The following RNF220 variants were observed in gnomAD, a reference collection of about 807,000 sequenced individuals.
RNF220 encodes the protein E3 ubiquitin-protein ligase RNF220.
Under a neutral mutation model 67.1 loss-of-function variants are expected in RNF220, and 7 were observed. That is an observed-to-expected ratio of 0.10 (90% CI 0.06 to 0.20). The LOEUF (loss-of-function observed/expected upper bound fraction) is 0.20, where lower values mean the gene tolerates loss of function less well. RNF220 is among the 10% of genes least tolerant of loss of function. The pLI, the probability that RNF220 is intolerant of heterozygous loss-of-function variation, is 1.00. For synonymous variants in RNF220, 270 were observed against 283.2 expected, an observed-to-expected ratio of 0.95 and a Z score of 0.47; for missense variants, 565 against 740.3, an observed-to-expected ratio of 0.76 and a Z score of 2.75.
At chr1:44,451,051 C>T (rs1000612399) in intron 2 of RNF220, among the ~76,000 whole-genome samples, 21 of 152,166 alleles carry the variant, frequency 1.4e-4, no homozygotes, top group Admixed American at 3.3e-4. Context: ...GGCGTGGTGG[C>T]GGGCACCTGT....
intron 2 of RNF220, among the ~76,000 whole-genome samples, chr1:44,580,058 GAAAGA>G (rs1665147102): frequency 1.1e-5 from 1 of 89,874 alleles, no homozygotes; most frequent in South Asian, 3.8e-4. Flanking sequence ...AAAAAAAAAA[GAAAGA>G]AAAGAAAGAA....
rs1053370560 is a variant in RNF220, at chr1:44,621,330, T to A, written c.759-1412T>A. On this transcript the variant is annotated intron_variant, in intron 3 of 14. Transcript: ENST00000361799. The surrounding 1 kb of genome is among the most constrained non-coding windows in gnomAD (Gnocchi z 4.8). ...GTTATATCTGTGCCTGTTGGCAGAATTATAGAAAGTCTATGGGTATATATG... is the reference window on the plus strand; with the variant it reads ...GTTATATCTGTGCCTGTTGGCAGAAATATAGAAAGTCTATGGGTATATATG... Among the ~76,000 whole-genome samples the A allele has an allele frequency of 5.3e-5, 8 of 152,194 alleles. No homozygotes were observed. The highest frequency in any genetic ancestry group is 2.6e-4 in the Admixed American group (4 of 15,290).
chr1:44,623,896 G>A (rs916712454), intron 4 of RNF220, among the ~76,000 whole-genome samples: 3 of 152,336 alleles, frequency 2.0e-5, no homozygotes, highest in Admixed American at 1.3e-4. Context: ...GAAGGGGCCC[G>A]TTGTATTTAG....
At chr1:44,449,424 T>A (rs1364674623) in intron 2 of RNF220, among the ~76,000 whole-genome samples, 3 of 152,074 alleles carry the variant, frequency 2.0e-5, no homozygotes, top group Admixed American at 2.0e-4. Flanking sequence ...AACTGTATAT[T>A]CTACCTTTTT....
At chr1:44,533,963 G>A (rs1033523103) in intron 2 of RNF220, among the ~76,000 whole-genome samples, 28 of 152,216 alleles carry the variant, frequency 1.8e-4, no homozygotes, top group Admixed American at 9.2e-4. Context: ...TGGAAGATCA[G>A]CTGAAGAGTC....
At chr1:44,419,732 T>G (rs1412893313) in intron 2 of RNF220, 1 of 152,202 alleles carries the variant, frequency 6.6e-6, no homozygotes, top group Non-Finnish European at 1.5e-5. Context: ...AAGGAAGAAC[T>G]TATTTATGCC....
chr1:44,507,382 T>A (rs779325831), intron 2 of RNF220, among the ~76,000 whole-genome samples: 1 of 151,934 alleles, frequency 6.6e-6, no homozygotes, highest in Non-Finnish European at 1.5e-5. Context: ...CTCCAGAGCC[T>A]AGTAACTCAT....
chr1:44,562,366 C>T (rs1176301878), intron 2 of RNF220, among the ~76,000 whole-genome samples: 2 of 152,198 alleles, frequency 1.3e-5, no homozygotes, highest in Non-Finnish European at 2.9e-5. Context: ...ACCCATGTGT[C>T]AGGGCCCGCT....
At position 44,622,680 on chromosome 1, in the gene RNF220, C is replaced by T; in HGVS notation, c.759-62C>T. ...CTGTCTTTGGGGTCTTCTTGCTACT[C>T]TACCGTTGCATGCCCTGGGCAGCAG... is the stretch of plus-strand genomic sequence containing the variant. On this transcript the variant is annotated intron_variant, in intron 3 of 14. Coordinates refer to ENST00000361799, the MANE Select transcript of RNF220 (RefSeq NM_018150.4). This position sits in a 1 kb window ranked among gnomAD's most constrained non-coding sequence, Gnocchi z 4.3. The T allele has an allele frequency of 6.8e-7, 1 of 1,480,816 alleles. No individual in the cohort carries two copies. The highest frequency in any genetic ancestry group is 9.4e-7 in the Non-Finnish European group (1 of 1,059,402). The allele number at this position is 1,480,816 out of a possible 1,614,324, so 91.7% of individuals were successfully genotyped here.
intron 2 of RNF220, among the ~76,000 whole-genome samples, chr1:44,499,044 T>C (rs1657597532): frequency 6.6e-6 from 1 of 152,160 alleles, no homozygotes; most frequent in Non-Finnish European, 1.5e-5. Flanking sequence ...TTACTCCTGG[T>C]AGTGACCCAA....
intron 12 of RNF220, chr1:44,648,808 C>T (rs1254620406): frequency 6.6e-6 from 1 of 152,288 alleles, no homozygotes; most frequent in Non-Finnish European, 1.5e-5. Flanking sequence ...TGAGGTGGGG[C>T]TCTTGGCCAT....
At chr1:44,581,281 G>T (rs950630087) in intron 2 of RNF220, among the ~76,000 whole-genome samples, 3 of 152,216 alleles carry the variant, frequency 2.0e-5, no homozygotes, top group Admixed American at 6.5e-5. Context: ...TTTGGAAAAG[G>T]TCACTTCTCC....
rs57847805 is a variant in RNF220 at position 44,552,566 on chromosome 1, CTTTT to C, written c.626-61580_626-61577del. Among the ~76,000 whole-genome samples, 413 of 83,750 alleles carry C rather than the reference CTTTT, an allele frequency of 4.9e-3. 1 individual carries two copies. In the Middle Eastern group the frequency reaches 0.074, roughly 15 times the overall value. 54.9% of individuals were successfully genotyped at this position (83,750 alleles called of 152,430 possible). On this transcript the variant is annotated intron_variant, in intron 2 of 14. Coordinates refer to ENST00000361799, the MANE Select transcript of RNF220 (RefSeq NM_018150.4). ...GGCTCCCTGCTATTCTAAACTTCTTCTTTTTTTTTTTTTTTTTTTTTTGAGACAG... is the reference window on the plus strand; with the variant it reads ...GGCTCCCTGCTATTCTAAACTTCTTCTTTTTTTTTTTTTTTTTTGAGACAG...
chr1:44,484,849 T>C (rs898939667), intron 2 of RNF220, among the ~76,000 whole-genome samples: 2 of 152,096 alleles, frequency 1.3e-5, no homozygotes, highest in African/African-American at 4.8e-5. Flanking sequence ...ACTAAGAAAA[T>C]AGTTGCTCTG....
At chr1:44,481,610 C>G (rs746172864) in intron 2 of RNF220, among the ~76,000 whole-genome samples, 1 of 152,082 alleles carries the variant, frequency 6.6e-6, no homozygotes, top group Non-Finnish European at 1.5e-5. Flanking sequence ...CACACATACA[C>G]CTATGGAACA....
chr1:44,554,280 G>A (rs1431993201), intron 2 of RNF220, among the ~76,000 whole-genome samples: 1 of 152,146 alleles, frequency 6.6e-6, no homozygotes, highest in Non-Finnish European at 1.5e-5. Context: ...AAGAGGCAAA[G>A]CCCAGAATTT....
chr1:44,547,475 G>A (rs893684030), intron 2 of RNF220, among the ~76,000 whole-genome samples: 3 of 151,826 alleles, frequency 2.0e-5, no homozygotes, highest in Admixed American at 6.6e-5. Context: ...TTTCTCTCTC[G>A]GCATCTCTCA....
chr1:44,631,985 C>T (rs1644146380), intron 5 of RNF220: 3 of 1,004,168 alleles, frequency 3.0e-6, no homozygotes, highest in East Asian at 1.0e-4. Flanking sequence ...ACATGGCCGC[C>T]GCCGCCGCTT....
intron 8 of RNF220, chr1:44,636,560 G>T (rs973482096): frequency 1.1e-4 from 69 of 654,226 alleles, no homozygotes; most frequent in Non-Finnish European, 1.9e-4. Flanking sequence ...CAGCACTGGG[G>T]GCCCTGAGGG....
Sources: allele counts gnomAD v4.1 joint callset (sites outside exome capture counted in the v4.1 genomes callset), GRCh38; gene constraint gnomAD v4.1.1; non-coding constraint Gnocchi (gnomAD v3.1); transcripts MANE v1.5; gene names NCBI Gene and HGNC (gene_info 2026-07-23, HGNC 2026-07-21).